TDP1: variants seen among roughly 807,000 people sequenced by gnomAD.
TDP1 encodes tyrosyl-DNA phosphodiesterase 1.
In TDP1, 64 loss-of-function variants were observed where a neutral mutation model predicts 81.5. The ratio of observed to expected loss-of-function variants is 0.79; its 90% confidence interval spans 0.64 to 0.97. TDP1 has a LOEUF of 0.97. TDP1 is among the 50% of genes least tolerant of loss of function. The pLI is 0.00. For missense variants in TDP1, 723 were observed against 743.8 expected (o/e 0.97, Z 0.33); for synonymous variants, 256 against 264.3 (o/e 0.97, Z 0.30).
Position 90,009,853 on chromosome 14 carries a change from C to G in TDP1, c.1542-9463C>G, listed in dbSNP as rs557492962. Among the ~76,000 whole-genome samples the G allele has an allele frequency of 2.6e-5, 4 of 152,200 alleles. No homozygotes were observed. The South Asian group carries it at 8.3e-4, about 32-fold the overall frequency. ...AGAAATAGACACATATATCATCAAC[C>G]ATTTTTGACAAAGGCACCAATGTAA... On this transcript the variant is annotated intron_variant, in intron 14 of 16. Transcript: ENST00000335725.
chr14:90,008,456 C>T (rs1030561917), intron 14 of TDP1, among the ~76,000 whole-genome samples: 3 of 152,150 alleles, frequency 2.0e-5, no homozygotes, highest in Admixed American at 1.3e-4. Context: ...CCCAGAGTCA[C>T]GCTGCCTGAG....
chr14:90,020,521 C>CT (rs1885892844), intron 15 of TDP1, among the ~76,000 whole-genome samples: 1 of 50,652 alleles, frequency 2.0e-5, no homozygotes, highest in Non-Finnish European at 3.8e-5. Context: ...CCCTCCCTCC[C>CT]TCCCTCCCTT....
intron 16 of TDP1, 136 bp downstream of exon 16, chr14:90,033,350 G>C: frequency 4.3e-6 from 3 of 705,766 alleles, no homozygotes. Flanking sequence ...AGGGCCCTTT[G>C]CCAGCCTGTC....
In TDP1 at chr14:90,043,698, CAA is replaced by C. The variant is rs1318950074; in HGVS notation, c.*559_*560del. 2 of 167,172 alleles carry C rather than the reference CAA, an allele frequency of 1.2e-5. No homozygotes were observed. The highest frequency in any genetic ancestry group is 2.4e-5 in the African/African-American group (1 of 41,484). The allele number at this position is 167,172 out of a possible 1,614,324, so 10.4% of individuals were successfully genotyped here. On this transcript the variant is annotated 3_prime_UTR_variant, in exon 17 of 17. Transcript: ENST00000335725. ...TCATTTGGAGCATCATGTCAGCACT[CAA>C]AAAGTTCTGGATCTTGGAGCAGTTC...
chr14:90,008,761 TCACC>T (rs1377810236), intron 14 of TDP1, among the ~76,000 whole-genome samples: 1 of 152,214 alleles, frequency 6.6e-6, no homozygotes, highest in Admixed American at 6.5e-5. Context: ...TCTTGCTGTG[TCACC>T]CAGGCTGGAG....
At chr14:90,026,954 C>T (rs1334410199) in intron 15 of TDP1, among the ~76,000 whole-genome samples, 5 of 151,710 alleles carry the variant, frequency 3.3e-5, no homozygotes, top group African/African-American at 1.2e-4. Flanking sequence ...GCATGATTTA[C>T]AATCCTTTGG....
chr14:89,984,914 TCA>T (rs1434566116), intron 9 of TDP1: 30 of 985,058 alleles, frequency 3.0e-5, no homozygotes, highest in Non-Finnish European at 3.4e-5. Flanking sequence ...TGGGTTACTC[TCA>T]CAATTATTGA....
chr14:89,975,587 T>TTG, intron 6 of TDP1, 194 bp from the exon 7 acceptor site: 3 of 714,610 alleles, frequency 4.2e-6, no homozygotes, highest in Non-Finnish European at 5.1e-6. Flanking sequence ...TTGTGTTTTT[T>TTG]TTTTTTTTTT....
intron 3 of TDP1, chr14:89,964,800 TGTG>T (rs1387313579): frequency 5.0e-6 from 2 of 402,160 alleles, no homozygotes; most frequent in Non-Finnish European, 9.7e-6. Flanking sequence ...ACCAAGGTAT[TGTG>T]GTAACATGAT....
chr14:90,041,437 C>T (rs910871532), intron 16 of TDP1, among the ~76,000 whole-genome samples: 4 of 152,196 alleles, frequency 2.6e-5, no homozygotes, highest in African/African-American at 9.7e-5. Context: ...TGATTTGCTG[C>T]CATCTTTGGT....
chr14:89,990,941 T>C (rs1896112507), intron 12 of TDP1, among the ~76,000 whole-genome samples: 1 of 152,236 alleles, frequency 6.6e-6, no homozygotes, highest in Non-Finnish European at 1.5e-5. Context: ...CACTTGGAAC[T>C]TTCTTTATTC....
At chr14:90,018,061 C>T (rs921508594) in intron 14 of TDP1, among the ~76,000 whole-genome samples, 5 of 145,906 alleles carry the variant, frequency 3.4e-5, no homozygotes, top group African/African-American at 1.4e-4. Context: ...CCCATAGAAC[C>T]CTTAACAAAC....
intron 14 of TDP1, among the ~76,000 whole-genome samples, chr14:90,013,791 G>A (rs1332121962): frequency 6.6e-6 from 1 of 152,112 alleles, no homozygotes; most frequent in Admixed American, 6.5e-5. Context: ...TGTTCTCATG[G>A]TACTGAATAA....
intron 12 of TDP1, 85 bp downstream of exon 12, chr14:89,989,850 A>G (rs1895992942): frequency 9.6e-7 from 1 of 1,043,944 alleles, no homozygotes; most frequent in Admixed American, 1.8e-5. Context: ...TTGCGTAGAA[A>G]TTTGGAGATG....
At chr14:89,972,719 A>G (rs1173555909) in intron 6 of TDP1, among the ~76,000 whole-genome samples, 1 of 152,242 alleles carries the variant, frequency 6.6e-6, no homozygotes, top group African/African-American at 2.4e-5. Context: ...ACTACTTCCT[A>G]TAGAAATGGT....
intron 14 of TDP1, among the ~76,000 whole-genome samples, chr14:90,018,361 C>T (rs1047704703): frequency 2.7e-4 from 41 of 152,286 alleles, no homozygotes; most frequent in Non-Finnish European, 3.5e-4. Flanking sequence ...TCTCTGAAGA[C>T]GCCTCAGAGC....
chr14:90,006,463 T>G (rs1323573528), intron 14 of TDP1, among the ~76,000 whole-genome samples: 1 of 151,906 alleles, frequency 6.6e-6, no homozygotes, highest in Non-Finnish European at 1.5e-5. Context: ...ACTGCATCCT[T>G]GACCTCCCAG....
chr14:90,008,435 T>G (rs997798200), intron 14 of TDP1, among the ~76,000 whole-genome samples: 5 of 152,228 alleles, frequency 3.3e-5, no homozygotes, highest in Non-Finnish European at 5.9e-5. Flanking sequence ...GTTTCATGGT[T>G]TAGAGTTCAG....
At chr14:89,958,978 A>G (rs1892007246) in intron 2 of TDP1, among the ~76,000 whole-genome samples, 2 of 152,266 alleles carry the variant, frequency 1.3e-5, no homozygotes, top group African/African-American at 4.8e-5. Context: ...TGCCTGCAGA[A>G]GAGCCCAAAC....
Sources: gnomAD v4.1 joint callset for allele counts (sites outside exome capture counted in the v4.1 genomes callset) on GRCh38, gnomAD v4.1.1 for gene constraint, MANE v1.5 for transcripts, NCBI Gene and HGNC (gene_info 2026-07-23, HGNC 2026-07-21) for gene names.